The following NCAM1 variants were observed in gnomAD, a reference collection of about 807,000 sequenced individuals.
NCAM1 encodes the protein antigen recognized by monoclonal antibody 5.1H11.
NCAM1 carries 14 observed loss-of-function variants against 109.8 expected under a neutral mutation model. That is an observed-to-expected ratio of 0.13 (90% CI 0.08 to 0.20). The LOEUF is 0.20. Ranked by LOEUF, NCAM1 falls within the 10% of genes least tolerant of loss-of-function variation. The pLI, the probability that NCAM1 is intolerant of heterozygous loss-of-function variation, is 1.00. For synonymous variants in NCAM1, 418 were observed against 442.9 expected (o/e 0.94, Z 0.70); for missense variants, 774 against 1,109.9 (o/e 0.70, Z 4.30).
At chr11:112,993,721 T>C (rs903772221) in intron 1 of NCAM1, among the ~76,000 whole-genome samples, 1 of 152,256 alleles carries the variant, frequency 6.6e-6, no homozygotes, top group Non-Finnish European at 1.5e-5. Flanking sequence ...TTGAAAACTG[T>C]ACTTTTTACA....
intron 1 of NCAM1, among the ~76,000 whole-genome samples, chr11:113,055,559 G>T (rs1326579767): frequency 9.9e-5 from 15 of 152,226 alleles, no homozygotes; most frequent in African/African-American, 3.6e-4. Context: ...TATTCCTGCT[G>T]TTCTCAACCC....
At chr11:112,994,430 C>A (rs782386881) in intron 1 of NCAM1, among the ~76,000 whole-genome samples, 1 of 152,156 alleles carries the variant, frequency 6.6e-6, no homozygotes, top group African/African-American at 2.4e-5. Flanking sequence ...GTGTTCTAAA[C>A]GTTTTAATGC....
At chr11:113,214,680 A>G (rs1555114138) in intron 8 of NCAM1, among the ~76,000 whole-genome samples, 169 bp downstream of exon 8, 6 of 152,174 alleles carry the variant, frequency 3.9e-5, no homozygotes. Flanking sequence ...TGGCCTGCTC[A>G]TCATCCCCTT....
At position 113,262,849 on chromosome 11, in the gene NCAM1, C is replaced by T. The variant is rs782387047; in HGVS notation, c.2131+2526C>T. Reference sequence around the variant, plus strand: ...ACCCATTGCTTGACACCTGCAGCAACCTTGGGAGGCAATTCTGCATCCTAC... The same window carrying T: ...ACCCATTGCTTGACACCTGCAGCAATCTTGGGAGGCAATTCTGCATCCTAC... On this transcript the variant is annotated intron_variant, in intron 17 of 19. Coordinates refer to ENST00000316851, the MANE Select transcript of NCAM1 (RefSeq NM_181351.5). 7 of 1,613,700 alleles carry T rather than the reference C, an allele frequency of 4.3e-6. No individual in the cohort carries two copies. In the African/African-American group the frequency reaches 6.7e-5, roughly 15 times the overall value.
chr11:113,259,613 G>T (rs1350554348), intron 16 of NCAM1, among the ~76,000 whole-genome samples: 2 of 151,706 alleles, frequency 1.3e-5, no homozygotes, highest in Non-Finnish European at 2.9e-5. Flanking sequence ...ATCTGCTGTT[G>T]CTTGTGTTTG....
At chr11:113,123,273 G>A (rs1555096431) in intron 1 of NCAM1, among the ~76,000 whole-genome samples, 1 of 152,072 alleles carries the variant, frequency 6.6e-6, no homozygotes. Context: ...TAAACACCCT[G>A]GTTTGATCAT....
intron 1 of NCAM1, among the ~76,000 whole-genome samples, chr11:113,102,636 A>G (rs1209920515): frequency 6.6e-6 from 1 of 152,216 alleles, no homozygotes; most frequent in Non-Finnish European, 1.5e-5. Flanking sequence ...TTGGTATTTA[A>G]TATTTACTTA....
intron 1 of NCAM1, among the ~76,000 whole-genome samples, chr11:112,989,349 A>G (rs1279015423): frequency 6.6e-6 from 1 of 151,842 alleles, no homozygotes; most frequent in Non-Finnish European, 1.5e-5. Flanking sequence ...TGACCTATCT[A>G]TATTTGAGTT....
chr11:113,055,570 A>ACTCCTTG (rs1953667893), intron 1 of NCAM1, among the ~76,000 whole-genome samples: 1 of 151,820 alleles, frequency 6.6e-6, no homozygotes. Flanking sequence ...TTCTCAACCC[A>ACTCCTTG]CTCCTTGCTA....
chr11:113,182,761 C>A (rs542541393), intron 1 of NCAM1, among the ~76,000 whole-genome samples: 1 of 152,158 alleles, frequency 6.6e-6, no homozygotes, highest in Non-Finnish European at 1.5e-5. Flanking sequence ...GCAGAGCCCC[C>A]GACTGGGGAG....
chr11:113,194,069 G>A (rs1312621822), intron 1 of NCAM1, among the ~76,000 whole-genome samples: 3 of 152,180 alleles, frequency 2.0e-5, no homozygotes, highest in African/African-American at 7.2e-5. Flanking sequence ...CCATGGAACA[G>A]AGCCAGTCCC....
chr11:113,204,649 TG>T, intron 3 of NCAM1, 145 bp downstream of exon 3: 1 of 784,772 alleles, frequency 1.3e-6, no homozygotes, highest in Non-Finnish European at 2.0e-6. Context: ...TTTCTGACCT[TG>T]GCCAACCCAG....
chr11:113,062,644 C>T (rs547725211), intron 1 of NCAM1, among the ~76,000 whole-genome samples: 133 of 152,110 alleles, frequency 8.7e-4, no homozygotes, highest in African/African-American at 3.0e-3. Context: ...GGGTCAGGGA[C>T]GACCTCTCCA....
At chr11:113,148,816 C>T (rs1245128) in intron 1 of NCAM1, among the ~76,000 whole-genome samples, 8,771 of 152,192 alleles carry the variant, frequency 0.058, 495 homozygotes, top group African/African-American at 0.14. Context: ...TGCTTGGCTC[C>T]AAGGCAAGGG....
intron 1 of NCAM1, among the ~76,000 whole-genome samples, chr11:113,006,199 G>A (rs578242663): frequency 6.6e-6 from 1 of 152,286 alleles, no homozygotes; most frequent in African/African-American, 2.4e-5. Context: ...ACGCACAAGA[G>A]TCATCCATGT....
intron 14 of NCAM1, chr11:113,236,325 T>A: frequency 6.2e-7 from 1 of 1,612,314 alleles, no homozygotes; most frequent in South Asian, 1.1e-5. Context: ...CGTAAGTGCC[T>A]CTTCATACCT....
chr11:113,247,441 G>A (rs1250212256), intron 15 of NCAM1, among the ~76,000 whole-genome samples: 1 of 152,128 alleles, frequency 6.6e-6, no homozygotes, highest in Non-Finnish European at 1.5e-5. Context: ...CAGACAAACC[G>A]TCAACAGCTG....
At chr11:113,090,524 T>C (rs1419857772) in intron 1 of NCAM1, among the ~76,000 whole-genome samples, 1 of 152,202 alleles carries the variant, frequency 6.6e-6, no homozygotes, top group Non-Finnish European at 1.5e-5. Flanking sequence ...AATGATATTT[T>C]CCTCCATAGA....
At chr11:113,209,416 G>A (rs544210712) in intron 7 of NCAM1, among the ~76,000 whole-genome samples, 1 of 152,302 alleles carries the variant, frequency 6.6e-6, no homozygotes, top group Non-Finnish European at 1.5e-5. Flanking sequence ...ATTCTTGAAA[G>A]TCTTTTCTTG....
Sources: allele counts gnomAD v4.1 joint callset (sites outside exome capture counted in the v4.1 genomes callset), GRCh38; gene constraint gnomAD v4.1.1; transcripts MANE v1.5; gene names NCBI Gene and HGNC (gene_info 2026-07-23, HGNC 2026-07-21).